The following C14orf132 variants were observed in gnomAD, a reference collection of about 807,000 sequenced individuals.
C14orf132 encodes the protein uncharacterized protein C14orf132.
A neutral mutation model predicts 5.8 loss-of-function variants in C14orf132; 6 were observed. That is an observed-to-expected ratio of 1.03 (90% CI 0.57 to 2.04). The LOEUF is 2.04. Ranked by LOEUF, C14orf132 falls within the 30% of genes most tolerant of loss-of-function variation. The pLI is 0.00. For synonymous variants in C14orf132, 51 were observed against 49.8 expected (o/e 1.02, Z -0.10); for missense variants, 125 against 115.8 (o/e 1.08, Z -0.37).
At chr14:96,065,359 C>T (rs925209876) in intron 1 of C14orf132, among the ~76,000 whole-genome samples, 11 of 152,056 alleles carry the variant, frequency 7.2e-5, no homozygotes, top group African/African-American at 2.7e-4. Flanking sequence ...TGTTTCATGC[C>T]ATGATTACTA....
At chr14:96,047,528 T>C (rs993948944) in intron 1 of C14orf132, among the ~76,000 whole-genome samples, 13 of 152,270 alleles carry the variant, frequency 8.5e-5, no homozygotes, top group Admixed American at 5.9e-4. Context: ...CCATCACAGC[T>C]ACCATTCAAC....
At position 96,088,208 on chromosome 14, in the gene C14orf132, T is replaced by G. The variant is rs1463114818; in HGVS notation, c.*1473T>G. ...GCTGTGGTCTCAGGAGAAATGAGTG[T>G]TCTTGATGACAGGCAAAGGGACATC... On this transcript the variant is annotated 3_prime_UTR_variant, in exon 2 of 2. Coordinates refer to ENST00000555004, the MANE Select transcript of C14orf132 (RefSeq NM_001252507.3). The G allele has an allele frequency of 6.6e-6, 1 of 152,166 alleles. No individual in the cohort carries two copies. The highest frequency in any genetic ancestry group is 1.9e-4 in the East Asian group (1 of 5,188). The allele number at this position is 152,166 out of a possible 1,614,324, so 9.4% of individuals were successfully genotyped here. A position where few individuals can be genotyped will look rare whatever the true frequency, so the allele number is the denominator to read the frequency against.
intron 1 of C14orf132, among the ~76,000 whole-genome samples, chr14:96,077,230 A>T (rs1844667854): frequency 6.6e-6 from 1 of 152,158 alleles, no homozygotes; most frequent in South Asian, 2.1e-4. Flanking sequence ...CCAAGAGAGA[A>T]GTGCTGAGGT....
rs1429000998 is a variant in C14orf132 at position 96,090,515 on chromosome 14, A to G, written c.*3780A>G. The G allele has an allele frequency of 2.3e-6, 1 of 432,018 alleles. No individual in the cohort carries two copies. Among genetic ancestry groups the G allele is most frequent in the South Asian group, 1.6e-5 (1 of 60,624 alleles). 26.8% of individuals were successfully genotyped at this position (432,018 alleles called of 1,614,324 possible). ...CCGCTGTAGCCAGGCCTGTCTTAAG[A>G]GGACTTGTGCTTCCAGGGACCCAGG... On this transcript the variant is annotated 3_prime_UTR_variant, in exon 2 of 2. Transcript: ENST00000555004.
At chr14:96,077,294 T>TG (rs1196380743) in intron 1 of C14orf132, among the ~76,000 whole-genome samples, 4 of 152,220 alleles carry the variant, frequency 2.6e-5, no homozygotes, top group Non-Finnish European at 4.4e-5. Flanking sequence ...TGTGAGATGC[T>TG]GGGGGCTATG....
intron 1 of C14orf132, among the ~76,000 whole-genome samples, chr14:96,063,732 AT>A: frequency 6.6e-6 from 1 of 152,324 alleles, no homozygotes; most frequent in Non-Finnish European, 1.5e-5. Flanking sequence ...GGACCTAATT[AT>A]TCTAAAGAGC....
rs1242480848 is a variant in C14orf132 at position 96,086,667 on chromosome 14, T to C, written c.184T>C (p.Trp62Arg). The change falls in exon 2 of 2, where the codon TGG becomes CGG. Residue 62 changes from tryptophan to arginine, a missense_variant. Physicochemically the swap from Trp to Arg is moderately radical, Grantham distance 101. Transcript: ENST00000555004. Reference sequence around the variant, plus strand: ...GTCCTCCAACGACGCCGTCTTGCTATGGATTGCCATCATAGCTACGCTGGG... The same window carrying C: ...GTCCTCCAACGACGCCGTCTTGCTACGGATTGCCATCATAGCTACGCTGGG... ...PRSSNDAVLLWIAIIATLGNI... is the reference protein window; with the variant it reads ...PRSSNDAVLLRIAIIATLGNI... 6.5e-7 allele frequency: 1 copy of C among 1,536,184 alleles called. No homozygotes were observed. The highest frequency in any genetic ancestry group is 8.7e-7 in the Non-Finnish European group (1 of 1,146,922).
At chr14:96,084,054 T>C (rs1391651674) in intron 1 of C14orf132, among the ~76,000 whole-genome samples, 1 of 152,170 alleles carries the variant, frequency 6.6e-6, no homozygotes, top group Non-Finnish European at 1.5e-5. Context: ...GTGATTTGGA[T>C]GAAAATACTC....
intron 1 of C14orf132, among the ~76,000 whole-genome samples, chr14:96,055,889 A>G (rs77376392): frequency 0.013 from 1,928 of 152,238 alleles, 27 homozygotes; most frequent in Admixed American, 0.036. Flanking sequence ...TCACCTGGGT[A>G]GCTGGTGTTG....
chr14:96,079,217 C>G (rs1341710169), intron 1 of C14orf132, among the ~76,000 whole-genome samples: 1 of 152,188 alleles, frequency 6.6e-6, no homozygotes, highest in Non-Finnish European at 1.5e-5. Flanking sequence ...TCTGTCACGC[C>G]ATAGCACCTT....
intron 1 of C14orf132, among the ~76,000 whole-genome samples, chr14:96,085,141 G>A (rs771649083): frequency 1.3e-5 from 2 of 152,216 alleles, no homozygotes; most frequent in African/African-American, 2.4e-5. Context: ...GTAAAATGGG[G>A]TTGCAGTATT....
chr14:96,065,690 G>T (rs1169404030), intron 1 of C14orf132, among the ~76,000 whole-genome samples: 1 of 151,766 alleles, frequency 6.6e-6, no homozygotes, highest in Non-Finnish European at 1.5e-5. Context: ...TCAGTAAAAG[G>T]TCTGTTCAGC....
At chr14:96,056,780 C>T (rs1048272384) in intron 1 of C14orf132, among the ~76,000 whole-genome samples, 2 of 152,124 alleles carry the variant, frequency 1.3e-5, no homozygotes, top group African/African-American at 4.8e-5. Flanking sequence ...GAGTTGCAGT[C>T]AGAAAACCCC....
intron 1 of C14orf132, among the ~76,000 whole-genome samples, chr14:96,045,007 GC>G (rs1566822106): frequency 2.0e-5 from 3 of 152,166 alleles, no homozygotes; most frequent in African/African-American, 7.2e-5. Flanking sequence ...AAGCATCTTG[GC>G]CCTCATATTA....
At chr14:96,080,704 G>A (rs1402162028) in intron 1 of C14orf132, among the ~76,000 whole-genome samples, 1 of 152,172 alleles carries the variant, frequency 6.6e-6, no homozygotes, top group Non-Finnish European at 1.5e-5. Context: ...CTGTTGGGAA[G>A]GCAGGGCCCT....
intron 1 of C14orf132, among the ~76,000 whole-genome samples, chr14:96,076,834 T>C (rs1363068177): frequency 6.6e-6 from 1 of 152,256 alleles, no homozygotes; most frequent in Non-Finnish European, 1.5e-5. Flanking sequence ...TGCGTGCTGA[T>C]AACTTGTATT....
At chr14:96,042,308 G>A (rs1886713505) in intron 1 of C14orf132, among the ~76,000 whole-genome samples, 1 of 152,208 alleles carries the variant, frequency 6.6e-6, no homozygotes, top group Non-Finnish European at 1.5e-5. Flanking sequence ...CTGATTGCTG[G>A]GGTGAGAAGT....
At chr14:96,081,372 G>C (rs1028135627) in intron 1 of C14orf132, among the ~76,000 whole-genome samples, 6 of 152,306 alleles carry the variant, frequency 3.9e-5, no homozygotes, top group Non-Finnish European at 8.8e-5. Flanking sequence ...GAGAGATTAA[G>C]AAGTGGGCCT....
chr14:96,072,379 GA>G lies in C14orf132; in HGVS notation c.28-14130del, dbSNP rs545087264. Among the ~76,000 whole-genome samples the G allele has an allele frequency of 7.6e-4, 116 of 152,324 alleles. 1 individual carries two copies. The highest frequency in any genetic ancestry group is 2.7e-3 in the African/African-American group (112 of 41,566). On this transcript the variant is annotated intron_variant, in intron 1 of 1. Transcript: ENST00000555004. ...GGCCTCAGCTGAGTCTGTGCAGTGGGAAGGCCACCACCACCTCCCAGGGGCC... is the reference window on the plus strand; with the variant it reads ...GGCCTCAGCTGAGTCTGTGCAGTGGGAGGCCACCACCACCTCCCAGGGGCC...
Sources: allele counts gnomAD v4.1 joint callset (sites outside exome capture counted in the v4.1 genomes callset), GRCh38; gene constraint gnomAD v4.1.1; transcripts MANE v1.5; gene names NCBI Gene and HGNC (gene_info 2026-07-23, HGNC 2026-07-21).